The following MAP3K5 variants were observed in gnomAD, a reference collection of about 807,000 sequenced individuals.
The protein encoded by MAP3K5 is mitogen-activated protein kinase kinase kinase 5, also known as ASK-1.
In MAP3K5, 56 loss-of-function variants were observed where a neutral mutation model predicts 158.7. The ratio of observed to expected loss-of-function variants is 0.35; its 90% CI spans 0.28 to 0.44. The LOEUF (loss-of-function observed/expected upper bound fraction) is 0.44. Among genes scored for constraint, MAP3K5 ranks in the 20% least tolerant of loss-of-function variants. MAP3K5 has a pLI of 1.00. For synonymous variants in MAP3K5, 579 were observed against 601.7 expected, an observed-to-expected ratio of 0.96 and a Z score of 0.55; for missense variants, 1,294 against 1,674.8, an observed-to-expected ratio of 0.77 and a Z score of 3.97.
At chr6:136,607,731 C>T (rs74986821) in intron 18 of MAP3K5, among the ~76,000 whole-genome samples, 2,126 of 152,124 alleles carry the variant, frequency 0.014, 36 homozygotes, top group East Asian at 0.08. Context: ...CATTCATTCA[C>T]TCATTCATTT....
chr6:136,679,598 T>A (rs1484307208), intron 7 of MAP3K5, among the ~76,000 whole-genome samples: 3 of 152,204 alleles, frequency 2.0e-5, no homozygotes, highest in Non-Finnish European at 2.9e-5. Context: ...TGTGTACATA[T>A]CTTGTTATAA....
intron 2 of MAP3K5, among the ~76,000 whole-genome samples, chr6:136,714,411 G>A (rs1217358955): frequency 6.6e-6 from 1 of 152,170 alleles, no homozygotes; most frequent in African/African-American, 2.4e-5. Context: ...CCGTGTTTAA[G>A]TTCTAAAGGA....
chr6:136,697,584 T>G (rs941255048), intron 4 of MAP3K5, among the ~76,000 whole-genome samples, 197 bp from the exon 5 acceptor site: 1 of 137,928 alleles, frequency 7.3e-6, no homozygotes, highest in Non-Finnish European at 1.5e-5. Context: ...TGTATTTCTT[T>G]TATTACTCTG....
Position 136,583,667 on chromosome 6 carries a change from G to T in MAP3K5, c.3299C>A (p.Ser1100Tyr). The T allele has an allele frequency of 6.2e-7, 1 of 1,614,150 alleles. No homozygotes were observed. Residue 1100 changes from serine to tyrosine, a missense_variant, in exon 24 of 30, where the codon TCC (serine) becomes TAC (tyrosine). This residue lies in a region of MAP3K5 where 362 missense variants were observed against 463.2 expected (regional missense o/e 0.78). Coordinates refer to ENST00000359015, the MANE Select transcript of MAP3K5 (RefSeq NM_005923.4). ...LIASLREFVR[S>Y]TDRKIIATTL... is the part of the protein sequence containing the mutation. ...GGTGGCTATGATTTTTCGGTCAGTGGATCTCACAAATTCTCTGAGGCTTGC... is the reference window on the plus strand; with the variant it reads ...GGTGGCTATGATTTTTCGGTCAGTGTATCTCACAAATTCTCTGAGGCTTGC...
rs764542733 is a variant in MAP3K5, at chr6:136,592,529, G to A, written c.2964C>T (p.Asp988=). 8.7e-6 allele frequency: 14 copies of A among 1,610,096 alleles called. No homozygotes were observed. In the South Asian group the frequency reaches 1.2e-4, roughly 14 times the overall value. The part of the protein sequence containing the change: ...SSSEYGSVSP[D]TELKVDPFSF... Reference sequence around the variant, plus strand: ...AGAAGGGGTCCACTTTCAACTCCGTGTCGGGTGAAACTGAGCCGTACTCAC... The same window carrying A: ...AGAAGGGGTCCACTTTCAACTCCGTATCGGGTGAAACTGAGCCGTACTCAC... The change falls in exon 22 of 30, where the codon GAC becomes GAT. Residue 988 remains aspartate (D), a synonymous_variant. Coordinates refer to ENST00000359015, the MANE Select transcript of MAP3K5 (RefSeq NM_005923.4).
intron 11 of MAP3K5, among the ~76,000 whole-genome samples, chr6:136,643,633 A>C (rs1292089346): frequency 6.6e-6 from 1 of 152,230 alleles, no homozygotes; most frequent in Non-Finnish European, 1.5e-5. Context: ...CATGCAACTT[A>C]AAGTAAAAAT....
intron 14 of MAP3K5, chr6:136,636,727 G>A: frequency 1.5e-6 from 1 of 677,438 alleles, no homozygotes; most frequent in Non-Finnish European, 1.8e-6. Context: ...AGGATTGCTT[G>A]AGCCCAGGAA....
chr6:136,628,750 G>C (rs578160637), intron 14 of MAP3K5, among the ~76,000 whole-genome samples: 45 of 152,266 alleles, frequency 3.0e-4, no homozygotes, highest in African/African-American at 9.9e-4. Context: ...AAAAGGAATT[G>C]TAAAAAGAGC....
rs551771045 is a variant in MAP3K5 at position 136,563,943 on chromosome 6, A to G, written c.3762-1328T>C. Among the ~76,000 whole-genome samples the G allele has an allele frequency of 2.3e-4, 35 of 152,336 alleles. 1 individual carries two copies. In the South Asian group the frequency reaches 7.0e-3, roughly 31 times the overall value. On this transcript the variant is annotated intron_variant, in intron 26 of 29. Coordinates refer to ENST00000359015, the MANE Select transcript of MAP3K5 (RefSeq NM_005923.4). ...GCTTCACTTGACATAATCTGAAGGC[A>G]GCATCGTGCAACTGACAGATCTGGG...
At chr6:136,736,321 C>T (rs1372017621) in intron 1 of MAP3K5, among the ~76,000 whole-genome samples, 4 of 152,158 alleles carry the variant, frequency 2.6e-5, no homozygotes, top group Non-Finnish European at 5.9e-5. Flanking sequence ...ACTTTCGACA[C>T]CTAATAATTT....
intron 11 of MAP3K5, 142 bp downstream of exon 11, chr6:136,650,842 G>T (rs555564874): frequency 1.1e-5 from 5 of 458,656 alleles, no homozygotes; most frequent in Admixed American, 4.0e-5. Context: ...TTTATAATAC[G>T]GAATGCATTT....
At chr6:136,713,714 C>G (rs1010825462) in intron 2 of MAP3K5, among the ~76,000 whole-genome samples, 5 of 152,106 alleles carry the variant, frequency 3.3e-5, no homozygotes, top group African/African-American at 1.2e-4. Context: ...AATAAAGGAA[C>G]AAGATTGTCT....
intron 10 of MAP3K5, among the ~76,000 whole-genome samples, chr6:136,653,126 G>A (rs568740737): frequency 6.6e-6 from 1 of 152,212 alleles, no homozygotes; most frequent in African/African-American, 2.4e-5. Context: ...AGTACCATAC[G>A]TCTCTCCTTC....
At chr6:136,658,313 CTTT>C (rs57535051) in intron 9 of MAP3K5, among the ~76,000 whole-genome samples, 4 of 90,470 alleles carry the variant, frequency 4.4e-5, no homozygotes, top group East Asian at 3.4e-4. Flanking sequence ...TTCTTTCTTT[CTTT>C]TTTTTTTTTT....
chr6:136,722,937 C>T (rs996063816), intron 1 of MAP3K5, among the ~76,000 whole-genome samples: 11 of 152,050 alleles, frequency 7.2e-5, no homozygotes, highest in African/African-American at 2.6e-4. Context: ...ATCCTTCTGC[C>T]TCAGCCACCT....
At chr6:136,699,140 C>T (rs1018087279) in intron 3 of MAP3K5, among the ~76,000 whole-genome samples, 1 of 152,112 alleles carries the variant, frequency 6.6e-6, no homozygotes, top group Non-Finnish European at 1.5e-5. Flanking sequence ...CGGGAGGCTG[C>T]TCTCTCTCTG....
chr6:136,739,544 C>T (rs1462340263), intron 1 of MAP3K5, among the ~76,000 whole-genome samples: 2 of 152,070 alleles, frequency 1.3e-5, no homozygotes, highest in South Asian at 2.1e-4. Flanking sequence ...TTTTCCTATT[C>T]GATAAACAGG....
intron 1 of MAP3K5, among the ~76,000 whole-genome samples, chr6:136,766,724 T>A (rs538040959): frequency 6.6e-6 from 1 of 152,242 alleles, no homozygotes; most frequent in African/African-American, 2.4e-5. Flanking sequence ...AAACTCCATT[T>A]CTTCATCTTG....
intron 1 of MAP3K5, among the ~76,000 whole-genome samples, chr6:136,755,448 T>A (rs2114941272): frequency 6.6e-6 from 1 of 152,344 alleles, no homozygotes; most frequent in Admixed American, 6.5e-5. Context: ...GGCTCATGCC[T>A]GTAGTCCTAG....
Sources: allele counts gnomAD v4.1 joint callset (sites outside exome capture counted in the v4.1 genomes callset), GRCh38; gene constraint gnomAD v4.1.1; regional missense constraint gnomAD v4.1.1; transcripts MANE v1.5; gene names NCBI Gene and HGNC (gene_info 2026-07-23, HGNC 2026-07-21).